Variants in CABP4 observed in about 807,000 individuals in gnomAD.
CABP4 encodes the protein calcium binding protein 4, also known as calcium-binding protein 4.
Under a neutral mutation model 30.7 loss-of-function variants are expected in CABP4, and 30 were observed. That is an observed-to-expected ratio of 0.98 (90% confidence interval 0.73 to 1.33). The LOEUF (loss-of-function observed/expected upper bound fraction) is 1.33, where lower values mean the gene tolerates loss of function less well. Ranked by LOEUF, CABP4 falls within the 40% of genes most tolerant of loss-of-function variation. The probability of loss-of-function intolerance (pLI) is 0.00; values close to 1 mark genes in which losing one functional copy is unlikely to be tolerated. For missense variants in CABP4, 424 were observed against 395.5 expected, an observed-to-expected ratio of 1.07 and a Z score of -0.61; for synonymous variants, 161 against 159.2, an observed-to-expected ratio of 1.01 and a Z score of -0.08.
upstream of CABP4, among the ~76,000 whole-genome samples, chr11:67,454,000 G>A (rs2135166128): frequency 6.6e-6 from 1 of 152,218 alleles, no homozygotes; most frequent in Non-Finnish European, 1.5e-5. Context: ...GGGGTCAGGA[G>A]GGCCATCCTA....
chr11:67,454,594 C>T (rs139423419), upstream of CABP4, among the ~76,000 whole-genome samples: 1 of 152,316 alleles, frequency 6.6e-6, no homozygotes, highest in East Asian at 1.9e-4. Flanking sequence ...CTTTGTGGCA[C>T]CCGGCAGCGC....
intron 3 of CABP4, among the ~76,000 whole-genome samples, chr11:67,456,755 G>A (rs1021180549): frequency 9.2e-5 from 14 of 152,196 alleles, no homozygotes; most frequent in Admixed American, 7.2e-4. Context: ...TGGCCCAGAA[G>A]CCCCTGACTC....
In CABP4 at chr11:67,461,644, C is replaced by T. The variant is rs752119317; in HGVS notation, c.*2985C>T. ...ATTTTCAGCTTTGAGGCTTTGGTCT[C>T]TGTTGCAGCTGCTCACGCAACTCTG... On this transcript the variant is annotated 3_prime_UTR_variant, in exon 6 of 6. Coordinates refer to ENST00000325656, the MANE Select transcript of CABP4 (RefSeq NM_145200.5). The T allele has an allele frequency of 6.6e-6, 1 of 152,222 alleles. No individual in the cohort carries two copies. Among genetic ancestry groups the T allele is most frequent in the Non-Finnish European group, 1.5e-5 (1 of 68,048 alleles). 9.4% of individuals were successfully genotyped at this position (152,222 alleles called of 1,614,324 possible).
chr11:67,457,328 C>T (rs1394650792), intron 3 of CABP4, among the ~76,000 whole-genome samples: 1 of 152,192 alleles, frequency 6.6e-6, no homozygotes, highest in African/African-American at 2.4e-5. Flanking sequence ...GAACCGGGCA[C>T]TATCTGGCTC....
chr11:67,452,869 G>T, upstream of CABP4: 1 of 663,266 alleles, frequency 1.5e-6, no homozygotes, highest in Non-Finnish European at 2.6e-6. Context: ...CACCTTTTGA[G>T]TAATTATCCT....
Position 67,456,456 on chromosome 11 carries a change from C to T in CABP4, c.541+14C>T, listed in dbSNP as rs886048561. 4.4e-6 allele frequency: 7 copies of T among 1,599,024 alleles called. No homozygotes were observed. The highest frequency in any genetic ancestry group is 3.4e-6 in the Non-Finnish European group (4 of 1,174,248). On this transcript the variant is annotated intron_variant, in intron 3 of 5. Coordinates refer to ENST00000325656, the MANE Select transcript of CABP4 (RefSeq NM_145200.5). ...TCAAGATGCGCAGTCAGTCAGGGAG[C>T]CCGCCCGCCCGGGCAGCCTGCGTAG... is the stretch of plus-strand genomic sequence containing the variant.
chr11:67,455,709 T>C lies in CABP4; in HGVS notation c.286T>C (p.Ser96Pro). The C allele has an allele frequency of 6.2e-7, 1 of 1,608,486 alleles. No individual in the cohort carries two copies. Among genetic ancestry groups the C allele is most frequent in the Non-Finnish European group, 8.5e-7 (1 of 1,178,570 alleles). The change falls in exon 1 of 6, where the codon TCC (serine) becomes CCC (proline). Residue 96 changes from serine to proline, a missense_variant. By Grantham distance (74) the Ser-to-Pro change is moderately conservative. Coordinates refer to ENST00000325656, the MANE Select transcript of CABP4 (RefSeq NM_145200.5). ...ASPGPASSRQ[S>P]HRHRPDSLHD... ...CCCTGGGCCGGCCTCTTCTCGCCAG[T>C]CCCACCGACATCGTCCTGACTCCCT...
Position 67,455,652 on chromosome 11 carries a change from GGA to G in CABP4, c.233_234del (p.Glu78GlyfsTer24). The G allele has an allele frequency of 8.1e-6, 13 of 1,610,456 alleles. No homozygotes were observed. Among genetic ancestry groups the G allele is most frequent in the Non-Finnish European group, 1.1e-5 (13 of 1,179,310 alleles). ...PGSSNNPPST[G>X]EGPAGAPPAS... ...GAGCAGCAATAACCCTCCCAGCACT[GGA>G]GAGGGGCCGGCGGGCGCACCCCCTG... On this transcript the variant is annotated frameshift_variant, in exon 1 of 6. Coordinates refer to ENST00000325656, the MANE Select transcript of CABP4 (RefSeq NM_145200.5). LOFTEE classifies it high-confidence loss of function.
chr11:67,455,745 GCT>G lies in CABP4; in HGVS notation c.324_325del (p.Gln109GlufsTer33). 1 of 1,599,450 alleles carries G rather than the reference GCT, an allele frequency of 6.3e-7. No individual in the cohort carries two copies. Among genetic ancestry groups the G allele is most frequent in the Non-Finnish European group, 8.5e-7 (1 of 1,174,318 alleles). On this transcript the variant is annotated frameshift_variant, in exon 1 of 6. Coordinates refer to ENST00000325656, the MANE Select transcript of CABP4 (RefSeq NM_145200.5). LOFTEE classifies it high-confidence loss of function. The stretch of plus-strand genomic sequence containing the variant: ...TCGTCCTGACTCCCTGCACGACGCT[GCT>G]CAGAGGACATACGGGCCCCTGCTCA... Reference protein sequence around the residue: ...RHRPDSLHDAAQRTYGPLLNR... With the variant: ...RHRPDSLHDAXQRTYGPLLNR...
chr11:67,453,934 C>T (rs1485901550), upstream of CABP4, among the ~76,000 whole-genome samples: 2 of 152,112 alleles, frequency 1.3e-5, no homozygotes, highest in South Asian at 2.1e-4. Context: ...TCCCCTCCAG[C>T]GAGTGTCACT....
intron 5 of CABP4, 52 bp downstream of exon 5, chr11:67,458,570 C>T (rs755088109): frequency 1.9e-6 from 3 of 1,614,102 alleles, no homozygotes; most frequent in Admixed American, 1.7e-5. Context: ...CTAGGCTGAG[C>T]CCAGCACCTC....
Position 67,458,843 on chromosome 11 carries a change from ACCT to A in CABP4, c.*191_*193del, listed in dbSNP as rs2135186720. 1.4e-6 allele frequency: 1 copy of A among 694,174 alleles called. No homozygotes were observed. The highest frequency in any genetic ancestry group is 2.1e-5 in the Admixed American group (1 of 46,550). 43.0% of individuals were successfully genotyped at this position (694,174 alleles called of 1,614,324 possible). A position where few individuals can be genotyped will look rare whatever the true frequency, so the allele number is the denominator to read the frequency against. ...ATGTTACCTGCCCACCCTCATCCTT[ACCT>A]CCTCCTACTCAAGCTGCCTGGAGAA... On this transcript the variant is annotated 3_prime_UTR_variant, in exon 6 of 6. Transcript: ENST00000325656.
upstream of CABP4, chr11:67,452,884 C>G (rs1456572065): frequency 8.0e-6 from 5 of 626,590 alleles, no homozygotes; most frequent in Non-Finnish European, 1.1e-5. Flanking sequence ...TATCCTATGC[C>G]AAGGACTTGA....
At chr11:67,452,412 G>A (rs766828778), upstream of CABP4, 34 of 1,612,636 alleles carry the variant, frequency 2.1e-5, no homozygotes, top group African/African-American at 1.3e-4. Context: ...TAGTAGAAGC[G>A]GCAGGCAGCT....
chr11:67,456,035 GC>G, intron 1 of CABP4, 152 bp from the exon 2 acceptor site: 1 of 1,418,354 alleles, frequency 7.1e-7, no homozygotes, highest in South Asian at 1.2e-5. Context: ...ACAAAAGGGA[GC>G]TTGCTCCTCC....
intron 1 of CABP4, 107 bp downstream of exon 1, chr11:67,455,896 C>T (rs2093294275): frequency 9.8e-6 from 14 of 1,424,062 alleles, no homozygotes; most frequent in Admixed American, 2.3e-5. Flanking sequence ...CTCTTCTGCC[C>T]CAGACTGAGC....
At chr11:67,456,758 C>T (rs140472529) in intron 3 of CABP4, among the ~76,000 whole-genome samples, 2 of 152,328 alleles carry the variant, frequency 1.3e-5, no homozygotes, top group East Asian at 3.9e-4. Context: ...CCCAGAAGCC[C>T]CTGACTCAGT....
At position 67,455,749 on chromosome 11, in the gene CABP4, A is replaced by T; in HGVS notation, c.326A>T (p.Gln109Leu). The T allele has an allele frequency of 6.3e-7, 1 of 1,597,374 alleles. No individual in the cohort carries two copies. Among genetic ancestry groups the T allele is most frequent in the East Asian group, 2.3e-5 (1 of 44,082 alleles). Residue 109 changes from glutamine to leucine, a missense_variant, in exon 1 of 6, where the codon CAG becomes CTG. Coordinates refer to ENST00000325656, the MANE Select transcript of CABP4 (RefSeq NM_145200.5). Reference protein sequence around the residue: ...HRPDSLHDAAQRTYGPLLNRV... With the variant: ...HRPDSLHDAALRTYGPLLNRV... ...CCTGACTCCCTGCACGACGCTGCTCAGAGGACATACGGGCCCCTGCTCAAT... is the reference window on the plus strand; with the variant it reads ...CCTGACTCCCTGCACGACGCTGCTCTGAGGACATACGGGCCCCTGCTCAAT...
chr11:67,455,564 G>C lies in CABP4; in HGVS notation c.141G>C (p.Gly47=), dbSNP rs754568173. The change falls in exon 1 of 6, where the codon GGG becomes GGC. Residue 47 remains glycine, a synonymous_variant. Coordinates refer to ENST00000325656, the MANE Select transcript of CABP4 (RefSeq NM_145200.5). Reference sequence around the variant, plus strand: ...GGAAGAGGAGCAAGAAGGAGAGGGGGCTCCGAGGGTCTCGAAAGCGCACTG... The same window carrying C: ...GGAAGAGGAGCAAGAAGGAGAGGGGCCTCCGAGGGTCTCGAAAGCGCACTG... The part of the protein sequence containing the change: ...LTRKRSKKER[G]LRGSRKRTGS... The C allele has an allele frequency of 6.2e-7, 1 of 1,602,268 alleles. No homozygotes were observed. Among genetic ancestry groups the C allele is most frequent in the South Asian group, 1.1e-5 (1 of 89,250 alleles).
Sources: gnomAD v4.1 joint callset for allele counts (sites outside exome capture counted in the v4.1 genomes callset) on GRCh38, gnomAD v4.1.1 for gene constraint, MANE v1.5 for transcripts, NCBI Gene and HGNC (gene_info 2026-07-23, HGNC 2026-07-21) for gene names.